The following PLEKHJ1 variants were observed in gnomAD, a reference collection of about 807,000 sequenced individuals.
PLEKHJ1 encodes pleckstrin homology domain containing J1, also known as pleckstrin homology domain-containing family J member 1.
PLEKHJ1 carries 20 observed loss-of-function variants against 21.7 expected under a neutral mutation model. The observed-to-expected ratio is 0.92, with a 90% CI of 0.65 to 1.34. The LOEUF (loss-of-function observed/expected upper bound fraction) is 1.34. Ranked by LOEUF, PLEKHJ1 falls within the 40% of genes most tolerant of loss-of-function variation. The pLI is 0.00. For missense variants in PLEKHJ1, 241 were observed against 202.0 expected, an observed-to-expected ratio of 1.19 and a Z score of -1.17; for synonymous variants, 113 against 80.6, an observed-to-expected ratio of 1.40 and a Z score of -2.15.
downstream of PLEKHJ1, chr19:2,230,835 CCAGA>C (rs890423166): frequency 1.4e-5 from 5 of 366,910 alleles, no homozygotes; most frequent in Non-Finnish European, 2.4e-5. Context: ...TCCCAGCAGC[CCAGA>C]CAGAGCTGCC....
chr19:2,233,854 C>CA lies in PLEKHJ1; in HGVS notation c.435dup (p.Gly146TrpfsTer60). 6.2e-7 allele frequency: 1 copy of CA among 1,610,794 alleles called. No individual in the cohort carries two copies. Among genetic ancestry groups the CA allele is most frequent in the Non-Finnish European group, 8.5e-7 (1 of 1,179,480 alleles). On this transcript the variant is annotated frameshift_variant, in exon 6 of 6. Coordinates refer to ENST00000326631, the MANE Select transcript of PLEKHJ1 (RefSeq NM_018049.3). LOFTEE classifies it high-confidence loss of function. Reference sequence around the variant, plus strand: ...GTGCCCTGCGCTCACGCCTGCAAGCCACTCAGCTGGAACCTGGCCTCCTCG... The same window carrying CA: ...GTGCCCTGCGCTCACGCCTGCAAGCCAACTCAGCTGGAACCTGGCCTCCTCG...
Position 2,235,751 on chromosome 19 carries a change from G to T in PLEKHJ1, c.229+11C>A. The stretch of plus-strand genomic sequence containing the variant: ...GCGGGAAGCGCCGCTGGCTTCCCTA[G>T]CCCCACTCACTGATGGAGAAGGTGC... On this transcript the variant is annotated intron_variant, in intron 3 of 5. Transcript: ENST00000326631. 2 of 1,547,600 alleles carry T rather than the reference G, an allele frequency of 1.3e-6. No individual in the cohort carries two copies. The highest frequency in any genetic ancestry group is 1.7e-6 in the Non-Finnish European group (2 of 1,145,834).
chr19:2,236,134 G>C, intron 1 of PLEKHJ1, 21 bp downstream of exon 1: 1 of 1,462,162 alleles, frequency 6.8e-7, no homozygotes, highest in East Asian at 3.0e-5. Context: ...GCACTGTCTC[G>C]GTCTCCCGGG....
chr19:2,232,380 T>G (rs1337055781), downstream of PLEKHJ1: 1 of 81,508 alleles, frequency 1.2e-5, no homozygotes, highest in African/African-American at 6.4e-5. Context: ...CAGACCCCCC[T>G]CCCAACACAA....
At chr19:2,230,486 C>T (rs2024553171), downstream of PLEKHJ1, 3 of 398,976 alleles carry the variant, frequency 7.5e-6, no homozygotes, top group South Asian at 1.3e-4. Flanking sequence ...ATGTGCTGCG[C>T]GATGGTGCTG....
chr19:2,230,882 C>G (rs1183846906), downstream of PLEKHJ1: 1 of 321,550 alleles, frequency 3.1e-6, no homozygotes, highest in Non-Finnish European at 5.6e-6. Flanking sequence ...CCCTTCCTGT[C>G]AGGGCCACGC....
At position 2,233,819 on chromosome 19, in the gene PLEKHJ1, G is replaced by A. The variant is rs768818894; in HGVS notation, c.*21C>T. On this transcript the variant is annotated 3_prime_UTR_variant, in exon 6 of 6. Transcript: ENST00000326631. Reference sequence around the variant, plus strand: ...CAGGGCCAGTCCCGTCCCGCTGCACGCTGACCACCGTGCCCTGCGCTCACG... The same window carrying A: ...CAGGGCCAGTCCCGTCCCGCTGCACACTGACCACCGTGCCCTGCGCTCACG... 6.3e-6 allele frequency: 10 copies of A among 1,586,260 alleles called. No individual in the cohort carries two copies. The African/African-American group carries it at 6.7e-5, about 11-fold the overall frequency.
downstream of PLEKHJ1, chr19:2,231,681 GCT>G (rs1470232929): frequency 1.4e-5 from 3 of 214,464 alleles, no homozygotes; most frequent in East Asian, 2.1e-4. Flanking sequence ...CAGGCAGCCT[GCT>G]CTGTGTCGCC....
intron 3 of PLEKHJ1, chr19:2,234,444 C>T: frequency 1.8e-6 from 1 of 560,040 alleles, no homozygotes; most frequent in South Asian, 2.3e-5. Context: ...GGTGCGGTGG[C>T]TCATGCCTAT....
chr19:2,233,786 T>C lies in PLEKHJ1; in HGVS notation c.*54A>G. ...GATCCAGGCATGGCCAAGCGATTCA[T>C]GGCTGGGCAGGGCCAGTCCCGTCCC... is the stretch of plus-strand genomic sequence containing the variant. On this transcript the variant is annotated 3_prime_UTR_variant, in exon 6 of 6. Coordinates refer to ENST00000326631, the MANE Select transcript of PLEKHJ1 (RefSeq NM_018049.3). 6.6e-7 allele frequency: 1 copy of C among 1,510,924 alleles called. No individual in the cohort carries two copies. The highest frequency in any genetic ancestry group is 9.0e-7 in the Non-Finnish European group (1 of 1,116,398). The allele number at this position is 1,510,924 out of a possible 1,614,324, so 93.6% of individuals were successfully genotyped here.
downstream of PLEKHJ1, chr19:2,230,829 A>C: frequency 2.7e-6 from 1 of 369,406 alleles, no homozygotes; most frequent in Non-Finnish European, 4.8e-6. Context: ...TGCAGCTCCC[A>C]GCAGCCCAGA....
downstream of PLEKHJ1, chr19:2,232,216 C>T (rs184801043): frequency 1.0e-4 from 23 of 221,706 alleles, no homozygotes; most frequent in Non-Finnish European, 1.8e-4. Flanking sequence ...TGATAGGAAC[C>T]CTAAAAACTA....
At chr19:2,232,808 G>A (rs1340252612), downstream of PLEKHJ1, among the ~76,000 whole-genome samples, 1 of 152,226 alleles carries the variant, frequency 6.6e-6, no homozygotes, top group Non-Finnish European at 1.5e-5. Context: ...CACAGGCAAA[G>A]TGCCTTTTGA....
chr19:2,233,350 C>G lies in PLEKHJ1; in HGVS notation c.*490G>C, dbSNP rs2024677030. On this transcript the variant is annotated 3_prime_UTR_variant, in exon 6 of 6. Coordinates refer to ENST00000326631, the MANE Select transcript of PLEKHJ1 (RefSeq NM_018049.3). The stretch of plus-strand genomic sequence containing the variant: ...CGGGGCAGGGGGGCCATGCCACCAG[C>G]CTGGGGGCTCACCAGGCCCCTGGAT... 5.7e-6 allele frequency: 1 copy of G among 174,466 alleles called. No individual in the cohort carries two copies. Among genetic ancestry groups the G allele is most frequent in the Non-Finnish European group, 1.2e-5 (1 of 83,140 alleles). 10.8% of individuals were successfully genotyped at this position (174,466 alleles called of 1,614,324 possible).
Position 2,233,721 on chromosome 19 carries a change from G to A in PLEKHJ1, c.*119C>T, listed in dbSNP as rs2024688432. Reference sequence around the variant, plus strand: ...ACTGCACTCTAGCCTGGGCAACACAGTGAAACCCTGACCCAAAAACCAAAA... The same window carrying A: ...ACTGCACTCTAGCCTGGGCAACACAATGAAACCCTGACCCAAAAACCAAAA... On this transcript the variant is annotated 3_prime_UTR_variant, in exon 6 of 6. Transcript: ENST00000326631. 2 of 910,486 alleles carry A rather than the reference G, an allele frequency of 2.2e-6. No individual in the cohort carries two copies. The highest frequency in any genetic ancestry group is 1.6e-5 in the African/African-American group (1 of 60,966). The allele number at this position is 910,486 out of a possible 1,614,324, so 56.4% of individuals were successfully genotyped here. A position where few individuals can be genotyped will look rare whatever the true frequency, so the allele number is the denominator to read the frequency against.
rs2024709481 is a variant in PLEKHJ1, at chr19:2,234,140, C to CT, written c.320+9dup. 1.9e-6 allele frequency: 3 copies of CT among 1,612,070 alleles called. No individual in the cohort carries two copies. Among genetic ancestry groups the CT allele is most frequent in the South Asian group, 2.2e-5 (2 of 91,082 alleles). The stretch of plus-strand genomic sequence containing the variant: ...CCACCCCAGCAGTGCCCACCACCGC[C>CT]TGGCCCCACCTGGCCCGACGCAGAG... On this transcript the variant is annotated intron_variant, in intron 4 of 5. Transcript: ENST00000326631.
chr19:2,230,786 C>G, downstream of PLEKHJ1: 1 of 390,814 alleles, frequency 2.6e-6, no homozygotes. Context: ...ACAAAATGGC[C>G]CCAGCGTCAG....
At chr19:2,231,459 C>T (rs756037661), downstream of PLEKHJ1, 4 of 205,512 alleles carry the variant, frequency 1.9e-5, no homozygotes, top group Non-Finnish European at 4.0e-5. Context: ...CTGAAGACCC[C>T]TGCTTGTGCC....
chr19:2,233,800 C>T lies in PLEKHJ1; in HGVS notation c.*40G>A, dbSNP rs1453091433. ...CAAGCGATTCATGGCTGGGCAGGGC[C>T]AGTCCCGTCCCGCTGCACGCTGACC... On this transcript the variant is annotated 3_prime_UTR_variant, in exon 6 of 6. Transcript: ENST00000326631. 10 of 1,547,640 alleles carry T rather than the reference C, an allele frequency of 6.5e-6. No individual in the cohort carries two copies. Among genetic ancestry groups the T allele is most frequent in the Non-Finnish European group, 8.7e-6 (10 of 1,144,878 alleles).
Sources: allele counts gnomAD v4.1 joint callset (sites outside exome capture counted in the v4.1 genomes callset), GRCh38; gene constraint gnomAD v4.1.1; transcripts MANE v1.5; gene names NCBI Gene and HGNC (gene_info 2026-07-23, HGNC 2026-07-21).